Variants in COL25A1 observed in about 807,000 individuals in gnomAD.
COL25A1 encodes the protein collagen alpha-1(XXV) chain.
A neutral mutation model predicts 128.4 loss-of-function variants in COL25A1; 103 were observed. The ratio of observed to expected loss-of-function variants is 0.80; its 90% confidence interval spans 0.68 to 0.94. The LOEUF is 0.94. Among genes scored for constraint, COL25A1 ranks in the 40% least tolerant of loss-of-function variants. The probability of loss-of-function intolerance (pLI) is 0.00; values close to 1 mark genes in which losing one functional copy is unlikely to be tolerated. For synonymous variants in COL25A1, 279 were observed against 277.2 expected (o/e 1.01, Z -0.06); for missense variants, 745 against 840.0 (o/e 0.89, Z 1.40).
At chr4:109,255,008 CAG>C (rs1780987308) in intron 3 of COL25A1, among the ~76,000 whole-genome samples, 2 of 152,180 alleles carry the variant, frequency 1.3e-5, no homozygotes, top group South Asian at 4.1e-4. Flanking sequence ...TCTCACCTGT[CAG>C]GGATGAATTG....
chr4:108,989,499 TG>T (rs1370548054), intron 6 of COL25A1, among the ~76,000 whole-genome samples: 1 of 152,248 alleles, frequency 6.6e-6, no homozygotes, highest in Non-Finnish European at 1.5e-5. Flanking sequence ...ACATCAGCTT[TG>T]ACTTGTCTTC....
chr4:108,828,799 T>C (rs902556192), intron 32 of COL25A1, among the ~76,000 whole-genome samples: 1 of 152,162 alleles, frequency 6.6e-6, no homozygotes, highest in African/African-American at 2.4e-5. Context: ...GTTTAAAGGT[T>C]AGCAAATCTT....
intron 3 of COL25A1, among the ~76,000 whole-genome samples, chr4:109,068,416 G>T (rs1244722349): frequency 6.6e-6 from 1 of 152,044 alleles, no homozygotes; most frequent in Non-Finnish European, 1.5e-5. Flanking sequence ...AAGAGGAAAG[G>T]AAGGGAGGGA....
intron 3 of COL25A1, among the ~76,000 whole-genome samples, chr4:109,179,669 C>A (rs1482705387): frequency 2.0e-5 from 3 of 152,188 alleles, no homozygotes; most frequent in Non-Finnish European, 2.9e-5. Context: ...AGATCTTCCA[C>A]AAAACCAAAC....
At chr4:108,847,541 G>A (rs1735255213) in intron 27 of COL25A1, among the ~76,000 whole-genome samples, 2 of 151,838 alleles carry the variant, frequency 1.3e-5, no homozygotes, top group South Asian at 2.1e-4. Context: ...GCAGCAGGAC[G>A]GCAACCCAAT....
chr4:108,968,778 A>C (rs1044406281), intron 8 of COL25A1, among the ~76,000 whole-genome samples: 1 of 152,144 alleles, frequency 6.6e-6, no homozygotes, highest in Non-Finnish European at 1.5e-5. Flanking sequence ...ACACTATTCC[A>C]ATGAAATATC....
intron 5 of COL25A1, among the ~76,000 whole-genome samples, chr4:109,034,491 T>C (rs1414064419): frequency 6.6e-6 from 1 of 152,224 alleles, no homozygotes; most frequent in Non-Finnish European, 1.5e-5. Flanking sequence ...CGTTCATCAC[T>C]GCAGAGTGGT....
chr4:108,931,107 T>C (rs1746683069), intron 11 of COL25A1, among the ~76,000 whole-genome samples: 1 of 152,178 alleles, frequency 6.6e-6, no homozygotes, highest in Non-Finnish European at 1.5e-5. Flanking sequence ...TTGATTATGG[T>C]TTTGGAGAAG....
intron 24 of COL25A1, among the ~76,000 whole-genome samples, chr4:108,858,205 G>T (rs1313195301): frequency 6.6e-6 from 1 of 152,044 alleles, no homozygotes; most frequent in African/African-American, 2.4e-5. Flanking sequence ...GGGTCATTAA[G>T]GTTTCTGAGC....
At chr4:109,059,804 G>T (rs1761789073) in intron 3 of COL25A1, among the ~76,000 whole-genome samples, 1 of 152,148 alleles carries the variant, frequency 6.6e-6, no homozygotes, top group African/African-American at 2.4e-5. Flanking sequence ...GAGGGATATT[G>T]CCTGTCTTCT....
intron 3 of COL25A1, 81 bp from the exon 4 acceptor site, chr4:109,050,260 T>A (rs1760863973): frequency 1.9e-6 from 2 of 1,032,932 alleles, no homozygotes; most frequent in Non-Finnish European, 1.4e-6. Context: ...AATTTATATA[T>A]ATTTTCTCAT....
At chr4:109,270,940 T>C (rs1264624984) in intron 3 of COL25A1, among the ~76,000 whole-genome samples, 1 of 152,186 alleles carries the variant, frequency 6.6e-6, no homozygotes, top group African/African-American at 2.4e-5. Flanking sequence ...CTATGCATTA[T>C]TTCTAATTCT....
chr4:108,863,231 T>C (rs1230924521), intron 21 of COL25A1, 88 bp downstream of exon 21: 2 of 1,255,762 alleles, frequency 1.6e-6, no homozygotes, highest in Non-Finnish European at 2.3e-6. Context: ...GCTGTTTTAA[T>C]ACCTGTTAAG....
At chr4:109,081,468 G>GT (rs1311880403) in intron 3 of COL25A1, among the ~76,000 whole-genome samples, 1 of 152,056 alleles carries the variant, frequency 6.6e-6, no homozygotes, top group Non-Finnish European at 1.5e-5. Context: ...ATTTTGGTGT[G>GT]TTTTTTGGTA....
At chr4:109,028,813 C>A (rs533519863) in intron 5 of COL25A1, among the ~76,000 whole-genome samples, 2 of 152,028 alleles carry the variant, frequency 1.3e-5, no homozygotes, top group African/African-American at 4.8e-5. Context: ...GGAGGAGCAC[C>A]TTGAAAGAGT....
intron 3 of COL25A1, among the ~76,000 whole-genome samples, chr4:109,110,998 C>T (rs80220144): frequency 0.026 from 4,007 of 152,244 alleles, 206 homozygotes; most frequent in African/African-American, 0.091. Context: ...CAACATTTAC[C>T]CTTCAAGCAT....
intron 3 of COL25A1, among the ~76,000 whole-genome samples, chr4:109,164,160 A>C (rs532669192): frequency 3.2e-4 from 49 of 152,186 alleles, no homozygotes; most frequent in African/African-American, 1.2e-3. Flanking sequence ...GCTTGTGCAC[A>C]CAATGGAATG....
intron 3 of COL25A1, among the ~76,000 whole-genome samples, chr4:109,211,645 GAGAA>G (rs1047415283): frequency 1.3e-5 from 2 of 152,022 alleles, no homozygotes; most frequent in Admixed American, 6.6e-5. Context: ...AAGATGTTAA[GAGAA>G]AGAAAAGCTC....
intron 3 of COL25A1, among the ~76,000 whole-genome samples, chr4:109,239,726 T>A (rs1217611576): frequency 6.6e-6 from 1 of 151,874 alleles, no homozygotes; most frequent in African/African-American, 2.4e-5. Context: ...ACTAAATTTA[T>A]TTTTTAAAAT....
Sources: gnomAD v4.1 joint callset for allele counts (sites outside exome capture counted in the v4.1 genomes callset) on GRCh38, gnomAD v4.1.1 for gene constraint, MANE v1.5 for transcripts, NCBI Gene and HGNC (gene_info 2026-07-23, HGNC 2026-07-21) for gene names.